The following MAGI2 variants were observed in gnomAD, a reference collection of about 807,000 sequenced individuals.
MAGI2 encodes the protein membrane-associated guanylate kinase, WW and PDZ domain-containing protein 2.
MAGI2 carries 35 observed loss-of-function variants against 133.3 expected under a neutral mutation model. That is an observed-to-expected ratio of 0.26 (90% CI 0.20 to 0.35). The LOEUF is 0.35. MAGI2 is among the 10% of genes least tolerant of loss of function. The pLI, the probability that MAGI2 is intolerant of heterozygous loss-of-function variation, is 1.00. For missense variants in MAGI2, 1,636 were observed against 1,863.4 expected, an observed-to-expected ratio of 0.88 and a Z score of 2.25; for synonymous variants, 729 against 710.6, an observed-to-expected ratio of 1.03 and a Z score of -0.41.
chr7:78,732,050 A>C (rs1821413492), intron 2 of MAGI2, among the ~76,000 whole-genome samples: 1 of 152,070 alleles, frequency 6.6e-6, no homozygotes, highest in Non-Finnish European at 1.5e-5. Context: ...AACAGGCAAA[A>C]GAAAGAATGA....
At chr7:79,330,507 A>G (rs932361051) in intron 1 of MAGI2, among the ~76,000 whole-genome samples, 1 of 152,004 alleles carries the variant, frequency 6.6e-6, no homozygotes, top group African/African-American at 2.4e-5. Context: ...AATAATCTGC[A>G]TCTTATTCCT....
intron 12 of MAGI2, among the ~76,000 whole-genome samples, chr7:78,194,494 G>T (rs1302208280): frequency 6.6e-6 from 1 of 151,888 alleles, no homozygotes; most frequent in African/African-American, 2.4e-5. Context: ...CTATATTCAA[G>T]GCTCTAAGAA....
chr7:79,055,989 A>C (rs1317547758), intron 1 of MAGI2, among the ~76,000 whole-genome samples: 1 of 152,212 alleles, frequency 6.6e-6, no homozygotes, highest in African/African-American at 2.4e-5. Context: ...ATTTTTAGAC[A>C]AAAGAAACAG....
At chr7:78,963,728 C>A (rs1219318261) in intron 2 of MAGI2, among the ~76,000 whole-genome samples, 2 of 150,788 alleles carry the variant, frequency 1.3e-5, no homozygotes, top group East Asian at 2.0e-4. Flanking sequence ...CTTTTTTTTC[C>A]TTAAAAAAAA....
chr7:78,599,289 TTC>T (rs1344730770), intron 3 of MAGI2, among the ~76,000 whole-genome samples: 7 of 152,296 alleles, frequency 4.6e-5, no homozygotes, highest in South Asian at 4.1e-4. Context: ...TTAAAATTAT[TTC>T]TGTGCCTCGT....
chr7:78,725,615 G>T (rs1820697925), intron 2 of MAGI2, among the ~76,000 whole-genome samples: 1 of 152,160 alleles, frequency 6.6e-6, no homozygotes, highest in South Asian at 2.1e-4. Flanking sequence ...TGGCTAACAC[G>T]GTGAAACCCT....
At chr7:78,945,017 G>A (rs1801302082) in intron 2 of MAGI2, among the ~76,000 whole-genome samples, 2 of 151,528 alleles carry the variant, frequency 1.3e-5, no homozygotes, top group Admixed American at 6.6e-5. Context: ...GGATTTACAG[G>A]CATGAGCCAC....
chr7:78,066,567 T>C (rs1451200459), intron 21 of MAGI2, among the ~76,000 whole-genome samples: 1 of 152,162 alleles, frequency 6.6e-6, no homozygotes, highest in African/African-American at 2.4e-5. Flanking sequence ...TCTGTTCCAC[T>C]GTACTCACCT....
chr7:79,324,372 T>C (rs924041450), intron 1 of MAGI2, among the ~76,000 whole-genome samples: 1 of 148,140 alleles, frequency 6.8e-6, no homozygotes, highest in Non-Finnish European at 1.5e-5. Context: ...TGTGTATGTA[T>C]ATATATACAG....
intron 3 of MAGI2, among the ~76,000 whole-genome samples, chr7:78,533,917 G>A (rs985451596): frequency 3.3e-5 from 5 of 152,128 alleles, no homozygotes; most frequent in African/African-American, 9.7e-5. Flanking sequence ...CAATCAGAAA[G>A]AGTATCAAGA....
At chr7:78,835,667 G>T (rs866577656) in intron 2 of MAGI2, among the ~76,000 whole-genome samples, 1 of 152,134 alleles carries the variant, frequency 6.6e-6, no homozygotes, top group Non-Finnish European at 1.5e-5. Flanking sequence ...AATGGACAGG[G>T]TTTGCTGTAT....
At chr7:79,032,156 A>G (rs1162827486) in intron 1 of MAGI2, among the ~76,000 whole-genome samples, 1 of 152,144 alleles carries the variant, frequency 6.6e-6, no homozygotes, top group Non-Finnish European at 1.5e-5. Flanking sequence ...TAATATGTAA[A>G]TTTTATACTT....
intron 2 of MAGI2, among the ~76,000 whole-genome samples, chr7:78,915,896 G>C (rs879765520): frequency 6.6e-6 from 1 of 151,952 alleles, no homozygotes; most frequent in Non-Finnish European, 1.5e-5. Flanking sequence ...AAGGTGGCGT[G>C]AGCAGAAACG....
At chr7:78,573,601 G>C (rs965504285) in intron 3 of MAGI2, among the ~76,000 whole-genome samples, 1 of 149,100 alleles carries the variant, frequency 6.7e-6, no homozygotes, top group African/African-American at 2.5e-5. Flanking sequence ...CCAATTATTT[G>C]TTTCCTTTGG....
At chr7:78,186,809 A>T (rs1827740645) in intron 12 of MAGI2, among the ~76,000 whole-genome samples, 1 of 152,198 alleles carries the variant, frequency 6.6e-6, no homozygotes, top group Non-Finnish European at 1.5e-5. Flanking sequence ...TCATTTTAGT[A>T]TTATTATGAA....
At chr7:79,083,587 A>G (rs1199152483) in intron 1 of MAGI2, among the ~76,000 whole-genome samples, 1 of 151,508 alleles carries the variant, frequency 6.6e-6, no homozygotes, top group Non-Finnish European at 1.5e-5. Context: ...GTATTTTCTG[A>G]GATGTTTTGT....
In MAGI2 at chr7:78,659,450, AAG is replaced by A. The variant is rs1309718867; in HGVS notation, c.419-32213_419-32212del. Among the ~76,000 whole-genome samples, 250 of 147,406 alleles carry A rather than the reference AAG, an allele frequency of 1.7e-3. 1 individual carries two copies. Among genetic ancestry groups the A allele is most frequent in the Non-Finnish European group, 2.4e-3 (157 of 66,606 alleles). ...AAAAAAAAAAAAAAAAAAAAAAAAA[AAG>A]CAAAACAAAACAAAACAAAGAAAAC... is the stretch of plus-strand genomic sequence containing the variant. On this transcript the variant is annotated intron_variant, in intron 2 of 21. Transcript: ENST00000354212.
At chr7:78,937,484 G>T (rs2151671147) in intron 2 of MAGI2, among the ~76,000 whole-genome samples, 1 of 152,190 alleles carries the variant, frequency 6.6e-6, no homozygotes, top group South Asian at 2.1e-4. Flanking sequence ...TTTACATAAG[G>T]TATTTTCACA....
chr7:78,525,751 G>T (rs1796894949), intron 3 of MAGI2, among the ~76,000 whole-genome samples: 1 of 152,192 alleles, frequency 6.6e-6, no homozygotes, highest in South Asian at 2.1e-4. Flanking sequence ...TTCAGTTAAA[G>T]TGGGAAAGTG....
Sources: gnomAD v4.1 joint callset for allele counts (sites outside exome capture counted in the v4.1 genomes callset) on GRCh38, gnomAD v4.1.1 for gene constraint, MANE v1.5 for transcripts, NCBI Gene and HGNC (gene_info 2026-07-23, HGNC 2026-07-21) for gene names.